Variants in KIF26B observed in about 807,000 individuals in gnomAD.
KIF26B encodes the protein kinesin-like protein KIF26B.
KIF26B carries 63 observed loss-of-function variants against 151.2 expected under a neutral mutation model. The observed-to-expected ratio is 0.42, with a 90% CI of 0.34 to 0.51. KIF26B has a LOEUF of 0.51. Ranked by LOEUF, KIF26B falls within the 20% of genes least tolerant of loss-of-function variation. The probability of loss-of-function intolerance (pLI) is 0.07; values close to 1 mark genes in which losing one functional copy is unlikely to be tolerated. For missense variants in KIF26B, 2,813 were observed against 2,913.6 expected (o/e 0.97, Z 0.79); for synonymous variants, 1,357 against 1,262.1 (o/e 1.08, Z -1.59).
chr1:245,287,498 C>CTTTTTTTTTTTTTTTTTTTTCTTTT (rs1334935128), intron 2 of KIF26B, among the ~76,000 whole-genome samples: 1 of 109,342 alleles, frequency 9.1e-6, no homozygotes. Flanking sequence ...CTCTCTCTCT[C>CTTTTTTTTTTTTTTTTTTTTCTTTT]TTTTTTTTTT....
Position 245,540,963 on chromosome 1 carries a change from G to A in KIF26B, c.1350+13G>A, listed in dbSNP as rs199769755. The stretch of plus-strand genomic sequence containing the variant: ...GGGGCTGGGCAAGGTAGGACCATCC[G>A]CCGTCCCTGCCATTTGCCCAGTGTG... On this transcript the variant is annotated intron_variant, in intron 5 of 14. Transcript: ENST00000407071. This position sits in a 1 kb window ranked among gnomAD's most constrained non-coding sequence, Gnocchi z 4.6. 3.0e-4 allele frequency: 474 copies of A among 1,595,180 alleles called. 3 individuals are homozygous for A. In the African/African-American group the frequency reaches 5.1e-3, roughly 17 times the overall value.
At chr1:245,465,701 T>A (rs1410305103) in intron 4 of KIF26B, among the ~76,000 whole-genome samples, 1 of 152,144 alleles carries the variant, frequency 6.6e-6, no homozygotes, top group Non-Finnish European at 1.5e-5. Flanking sequence ...AAGGACTGTT[T>A]ACAAAAGCTG....
chr1:245,437,133 A>G (rs1442212282), intron 4 of KIF26B, among the ~76,000 whole-genome samples: 1 of 152,068 alleles, frequency 6.6e-6, no homozygotes, highest in African/African-American at 2.4e-5. Context: ...GTGATCTGCC[A>G]GCCTTGGCCT....
At chr1:245,246,112 A>AAAAG (rs1553338309) in intron 2 of KIF26B, among the ~76,000 whole-genome samples, 4 of 148,448 alleles carry the variant, frequency 2.7e-5, no homozygotes, top group Non-Finnish European at 4.5e-5. Context: ...AAAAAAAAAA[A>AAAAG]AAAGAAAGGT....
Position 245,688,775 on chromosome 1 carries a change from G to A in KIF26B, c.5792G>A (p.Ser1931Asn). The change falls in exon 12 of 15, where the codon AGC becomes AAC. Residue 1931 changes from serine to asparagine, a missense_variant. Ser to Asn is a conservative substitution (Grantham distance 46). This residue lies in a region of KIF26B where 2,060 missense variants were observed against 2,088.6 expected (regional missense o/e 0.99). Transcript: ENST00000407071. ...AGCTCCGTGGGCGGCAGGTGCCGGA[G>A]CCTCAAGACCCCGAAGAAACGCTCC... is the stretch of plus-strand genomic sequence containing the variant. Reference protein sequence around the residue: ...NSSSVGGRCRSLKTPKKRSNP... With the variant: ...NSSSVGGRCRNLKTPKKRSNP... 6.3e-7 allele frequency: 1 copy of A among 1,596,238 alleles called. No homozygotes were observed. The highest frequency in any genetic ancestry group is 8.6e-7 in the Non-Finnish European group (1 of 1,169,060).
intron 2 of KIF26B, among the ~76,000 whole-genome samples, chr1:245,174,997 A>C (rs998266394): frequency 2.6e-5 from 4 of 152,314 alleles, no homozygotes; most frequent in African/African-American, 9.6e-5. Flanking sequence ...TCTCTTGCAG[A>C]GGACTCCTTC....
chr1:245,328,126 G>T (rs187097558), intron 2 of KIF26B, among the ~76,000 whole-genome samples: 302 of 126,612 alleles, frequency 2.4e-3, no homozygotes, highest in Non-Finnish European at 3.4e-3. Flanking sequence ...TTTGCTGGTA[G>T]GCTGTGTTTC....
At chr1:245,677,062 T>A (rs1005983043) in intron 10 of KIF26B, among the ~76,000 whole-genome samples, 5 of 152,176 alleles carry the variant, frequency 3.3e-5, no homozygotes, top group Non-Finnish European at 7.3e-5. Context: ...TAAAAAGAGA[T>A]CGATGAGCAA....
chr1:245,415,644 C>G (rs1674398286), intron 3 of KIF26B, among the ~76,000 whole-genome samples: 1 of 152,154 alleles, frequency 6.6e-6, no homozygotes, highest in Non-Finnish European at 1.5e-5. Flanking sequence ...CCTCGCTCTT[C>G]TGTTTTTCAG....
intron 5 of KIF26B, among the ~76,000 whole-genome samples, chr1:245,576,097 G>A (rs1023769730): frequency 9.9e-5 from 15 of 152,098 alleles, no homozygotes; most frequent in African/African-American, 3.6e-4. Flanking sequence ...AATGGCTCTT[G>A]AGTGCCCCAT....
chr1:245,394,839 C>T (rs938616864), intron 3 of KIF26B, among the ~76,000 whole-genome samples: 3 of 151,748 alleles, frequency 2.0e-5, no homozygotes, highest in African/African-American at 2.4e-5. Flanking sequence ...TACAGGTGCT[C>T]GCCACCACGC....
intron 2 of KIF26B, among the ~76,000 whole-genome samples, chr1:245,283,332 G>T (rs534363910): frequency 6.6e-6 from 1 of 151,078 alleles, no homozygotes; most frequent in South Asian, 2.1e-4. Flanking sequence ...AGCCCAATCC[G>T]CCCAAGCCCC....
chr1:245,579,934 G>A (rs1049758827), intron 5 of KIF26B, among the ~76,000 whole-genome samples: 20 of 152,126 alleles, frequency 1.3e-4, no homozygotes, highest in African/African-American at 4.1e-4. Flanking sequence ...CAGTGGTGGC[G>A]GGCTGGCCCT....
intron 5 of KIF26B, among the ~76,000 whole-genome samples, chr1:245,556,900 A>G (rs371758222): frequency 7.3e-5 from 11 of 150,920 alleles, no homozygotes; most frequent in African/African-American, 2.7e-4. Context: ...GCAATGGCTC[A>G]CCACAGTCAT....
chr1:245,321,982 C>A (rs533225981), intron 2 of KIF26B, among the ~76,000 whole-genome samples: 1 of 152,240 alleles, frequency 6.6e-6, no homozygotes, highest in African/African-American at 2.4e-5. Context: ...AAATGCCCAT[C>A]AATGATAGAC....
At chr1:245,657,080 G>A (rs963178360) in intron 10 of KIF26B, among the ~76,000 whole-genome samples, 4 of 152,126 alleles carry the variant, frequency 2.6e-5, no homozygotes, top group African/African-American at 9.7e-5. Context: ...CACAGTTGCT[G>A]TTTCTTTTTA....
chr1:245,581,405 A>AAGAT (rs199622082), intron 5 of KIF26B, among the ~76,000 whole-genome samples: 16 of 151,386 alleles, frequency 1.1e-4, no homozygotes, highest in East Asian at 1.9e-4. Context: ...GAAAGAAAGA[A>AAGAT]AGATAGATAG....
intron 3 of KIF26B, among the ~76,000 whole-genome samples, chr1:245,408,268 C>T (rs1052862499): frequency 6.6e-5 from 10 of 151,468 alleles, no homozygotes; most frequent in African/African-American, 1.7e-4. Context: ...TCACAAAACA[C>T]GGGATAGAGA....
At chr1:245,536,737 G>A (rs547154729) in intron 4 of KIF26B, among the ~76,000 whole-genome samples, 1 of 152,286 alleles carries the variant, frequency 6.6e-6, no homozygotes, top group South Asian at 2.1e-4. Flanking sequence ...ATGGCATCTG[G>A]AATCCTCTAA....
Sources: gnomAD v4.1 joint callset for allele counts (sites outside exome capture counted in the v4.1 genomes callset) on GRCh38, gnomAD v4.1.1 for gene constraint, gnomAD v4.1.1 regional missense constraint, Gnocchi (gnomAD v3.1) non-coding constraint, MANE v1.5 for transcripts, NCBI Gene and HGNC (gene_info 2026-07-23, HGNC 2026-07-21) for gene names.